The following MAP2K4 variants were observed in gnomAD, a reference collection of about 807,000 sequenced individuals.
MAP2K4 encodes the protein dual specificity mitogen-activated protein kinase kinase 4.
MAP2K4 carries 4 observed loss-of-function variants against 48.5 expected under a neutral mutation model. The observed-to-expected ratio is 0.08, with a 90% CI of 0.04 to 0.19. The LOEUF (loss-of-function observed/expected upper bound fraction) is 0.19. MAP2K4 is among the 10% of genes least tolerant of loss of function. The pLI, the probability that MAP2K4 is intolerant of heterozygous loss-of-function variation, is 1.00. For missense variants in MAP2K4, 258 were observed against 493.3 expected (o/e 0.52, Z 4.52); for synonymous variants, 166 against 173.1 (o/e 0.96, Z 0.32).
At chr17:12,094,637 T>C (rs1971671216) in intron 3 of MAP2K4, among the ~76,000 whole-genome samples, 1 of 152,188 alleles carries the variant, frequency 6.6e-6, no homozygotes, top group Non-Finnish European at 1.5e-5. Flanking sequence ...AATTTTATTA[T>C]TATTTTTTTA....
chr17:12,130,136 C>T (rs183543907), intron 9 of MAP2K4, among the ~76,000 whole-genome samples: 4 of 152,206 alleles, frequency 2.6e-5, no homozygotes, highest in African/African-American at 7.2e-5. Context: ...TGCGGTTTCT[C>T]CTCATTTTAG....
At chr17:12,089,782 A>T (rs1000943447) in intron 3 of MAP2K4, among the ~76,000 whole-genome samples, 1 of 152,182 alleles carries the variant, frequency 6.6e-6, no homozygotes, top group Non-Finnish European at 1.5e-5. Context: ...ATGTCCTTCC[A>T]TGTCAGTTTT....
At chr17:12,067,596 G>A (rs1169055324) in intron 2 of MAP2K4, among the ~76,000 whole-genome samples, 1 of 152,176 alleles carries the variant, frequency 6.6e-6, no homozygotes, top group Non-Finnish European at 1.5e-5. Context: ...GATATAAGAG[G>A]TGTATTCCTT....
rs2151598726 is a variant in MAP2K4, at chr17:12,139,892, T to C, written c.1086+8T>C. 1 of 1,587,800 alleles carries C rather than the reference T, an allele frequency of 6.3e-7. No homozygotes were observed. ...AAGTATAAAGAGCTTCTGGTGAGTG[T>C]GGGACTGTGGGGATTGTAGGTACAT... On this transcript the variant is annotated splice_region_variant and intron_variant, in intron 10 of 10. Transcript: ENST00000353533.
chr17:12,077,131 T>A (rs890487410), intron 2 of MAP2K4, among the ~76,000 whole-genome samples: 1 of 152,228 alleles, frequency 6.6e-6, no homozygotes, highest in African/African-American at 2.4e-5. Context: ...ACTTCTCTAG[T>A]AATGAACTAT....
At chr17:12,055,843 C>A (rs1054438026) in intron 2 of MAP2K4, among the ~76,000 whole-genome samples, 1 of 151,980 alleles carries the variant, frequency 6.6e-6, no homozygotes, top group Non-Finnish European at 1.5e-5. Flanking sequence ...GGAGTAGTTT[C>A]ACTTGTAGCC....
chr17:12,056,493 A>G (rs1350473266), intron 2 of MAP2K4, among the ~76,000 whole-genome samples: 1 of 152,020 alleles, frequency 6.6e-6, no homozygotes, highest in Non-Finnish European at 1.5e-5. Flanking sequence ...AGCCAGCTAG[A>G]TTTCTCATCC....
chr17:12,112,006 C>A (rs899201067), intron 6 of MAP2K4, among the ~76,000 whole-genome samples: 1 of 152,184 alleles, frequency 6.6e-6, no homozygotes, highest in Non-Finnish European at 1.5e-5. Context: ...GTCTCTAATA[C>A]CTTTTCTTGG....
At chr17:12,038,750 T>C (rs761540982) in intron 1 of MAP2K4, among the ~76,000 whole-genome samples, 1 of 152,132 alleles carries the variant, frequency 6.6e-6, no homozygotes, top group Non-Finnish European at 1.5e-5. Flanking sequence ...ATAGTTAATA[T>C]AGATGAGGAA....
chr17:12,122,065 A>G (rs563646130), intron 7 of MAP2K4, among the ~76,000 whole-genome samples: 3 of 152,394 alleles, frequency 2.0e-5, no homozygotes, highest in East Asian at 1.9e-4. Flanking sequence ...TGCCAAAACA[A>G]AAAATTCAGC....
In MAP2K4 at chr17:12,081,281, C is replaced by G. The variant is rs1285533700; in HGVS notation, c.219-75C>G. 1 of 1,154,956 alleles carries G rather than the reference C, an allele frequency of 8.7e-7. No homozygotes were observed. The highest frequency in any genetic ancestry group is 2.5e-5 in the East Asian group (1 of 40,804). 71.5% of individuals were successfully genotyped at this position (1,154,956 alleles called of 1,614,324 possible). A position where few individuals can be genotyped will look rare whatever the true frequency, so the allele number is the denominator to read the frequency against. On this transcript the variant is annotated intron_variant, in intron 2 of 10. Transcript: ENST00000353533. The surrounding 1 kb of genome is among the most constrained non-coding windows in gnomAD (Gnocchi z 4.2). ...TAATTTAGAAAACATTTTTCCCACA[C>G]ATTAATCAGTACTAAAAGAAAAAAG...
At chr17:12,038,636 A>G (rs1183032236) in intron 1 of MAP2K4, among the ~76,000 whole-genome samples, 3 of 152,150 alleles carry the variant, frequency 2.0e-5, no homozygotes, top group Non-Finnish European at 4.4e-5. Flanking sequence ...CATATATAGG[A>G]GCTATGTGGT....
At chr17:12,032,999 C>T (rs971031869) in intron 1 of MAP2K4, among the ~76,000 whole-genome samples, 1 of 152,114 alleles carries the variant, frequency 6.6e-6, no homozygotes, top group Non-Finnish European at 1.5e-5. Flanking sequence ...CCATGCCTGA[C>T]TGACTTTAAA....
At chr17:12,091,778 AAAATT>A (rs549419029) in intron 3 of MAP2K4, among the ~76,000 whole-genome samples, 149 of 152,320 alleles carry the variant, frequency 9.8e-4, no homozygotes, top group Non-Finnish European at 1.5e-3. Context: ...CCAATTAAAA[AAAATT>A]AACTTCAAGT....
intron 2 of MAP2K4, chr17:12,069,865 AT>A: frequency 2.8e-6 from 1 of 353,592 alleles, no homozygotes; most frequent in Non-Finnish European, 5.4e-6. Context: ...TCTTACCTTT[AT>A]TTTCCTGTCT....
intron 1 of MAP2K4, among the ~76,000 whole-genome samples, chr17:12,025,637 C>G (rs116305082): frequency 6.6e-6 from 1 of 152,096 alleles, no homozygotes; most frequent in African/African-American, 2.4e-5. Flanking sequence ...TGTGACCAGT[C>G]GAGTCCTTAG....
At chr17:12,051,271 G>T (rs768917979) in intron 1 of MAP2K4, among the ~76,000 whole-genome samples, 1 of 152,214 alleles carries the variant, frequency 6.6e-6, no homozygotes, top group Non-Finnish European at 1.5e-5. Context: ...CTGTTCCTAA[G>T]TCAGGGTTCT....
At chr17:12,060,893 A>G (rs1415087524) in intron 2 of MAP2K4, among the ~76,000 whole-genome samples, 2 of 152,082 alleles carry the variant, frequency 1.3e-5, no homozygotes, top group Non-Finnish European at 2.9e-5. Context: ...ATTGTTGTAC[A>G]TTTGTCACCA....
At chr17:12,021,381 G>A (rs893625910) in intron 1 of MAP2K4, 2 of 153,830 alleles carry the variant, frequency 1.3e-5, no homozygotes, top group Admixed American at 6.6e-5. Context: ...GCGGCGGAGC[G>A]GGAGGGGCGT....
Sources: allele counts gnomAD v4.1 joint callset (sites outside exome capture counted in the v4.1 genomes callset), GRCh38; gene constraint gnomAD v4.1.1; non-coding constraint Gnocchi (gnomAD v3.1); transcripts MANE v1.5; gene names NCBI Gene and HGNC (gene_info 2026-07-23, HGNC 2026-07-21).